The following SNX29 variants were observed in gnomAD, a reference collection of about 807,000 sequenced individuals.
SNX29 encodes the protein sorting nexin 29.
Under a neutral mutation model 102.1 loss-of-function variants are expected in SNX29, and 78 were observed. The observed-to-expected ratio is 0.76, with a 90% CI of 0.64 to 0.92. The LOEUF is 0.92. Ranked by LOEUF, SNX29 falls within the 40% of genes least tolerant of loss-of-function variation. The pLI is 0.00. For missense variants in SNX29, 1,280 were observed against 1,061.7 expected, an observed-to-expected ratio of 1.21 and a Z score of -2.86; for synonymous variants, 580 against 414.5, an observed-to-expected ratio of 1.40 and a Z score of -4.85.
At chr16:12,073,491 T>C in intron 10 of SNX29, among the ~76,000 whole-genome samples, 1 of 152,188 alleles carries the variant, frequency 6.6e-6, no homozygotes, top group Non-Finnish European at 1.5e-5. Flanking sequence ...TTTGAGTGAG[T>C]TTCTTAATCC....
chr16:12,013,500 A>AAAAAAAATATATAT lies in SNX29; in HGVS notation c.122+10458_122+10459insAAAAAATATATATA. ...GTCTCTACTGGGGGAAAAAAAAAAA[A>AAAAAAAATATATAT]ATATATATATATATATATATATATA... On this transcript the variant is annotated intron_variant, in intron 3 of 20. Transcript: ENST00000566228. 8.2e-4 allele frequency among the ~76,000 whole-genome samples: 26 copies of AAAAAAAATATATAT among 31,618 alleles called. 2 individuals carry two copies. The highest frequency in any genetic ancestry group is 3.8e-3 in the East Asian group (2 of 532). The allele number at this position is 31,618 out of a possible 152,430, so 20.7% of individuals were successfully genotyped here. A position where few individuals can be genotyped will look rare whatever the true frequency, so the allele number is the denominator to read the frequency against.
chr16:12,125,485 A>G (rs2054165158), intron 11 of SNX29, among the ~76,000 whole-genome samples: 1 of 151,692 alleles, frequency 6.6e-6, no homozygotes, highest in Non-Finnish European at 1.5e-5. Flanking sequence ...GAGGGTAGGG[A>G]AGGGTGAGGC....
At chr16:12,269,207 A>G (rs1567378625) in intron 14 of SNX29, among the ~76,000 whole-genome samples, 1 of 152,170 alleles carries the variant, frequency 6.6e-6, no homozygotes, top group African/African-American at 2.4e-5. Flanking sequence ...GAGACACAGG[A>G]GAAAGTTGCT....
chr16:12,181,988 A>T (rs1011935750), intron 13 of SNX29, among the ~76,000 whole-genome samples: 2 of 151,238 alleles, frequency 1.3e-5, no homozygotes, highest in Non-Finnish European at 2.9e-5. Flanking sequence ...GGTTCAAGCG[A>T]TTCTCCTGCC....
chr16:12,281,240 T>G (rs2079420289), intron 15 of SNX29, among the ~76,000 whole-genome samples: 1 of 152,190 alleles, frequency 6.6e-6, no homozygotes, highest in Admixed American at 6.5e-5. Context: ...ATAAGGATAT[T>G]TGGAACACCT....
chr16:12,526,288 C>G (rs1334002860), intron 20 of SNX29, among the ~76,000 whole-genome samples: 1 of 152,088 alleles, frequency 6.6e-6, no homozygotes, highest in African/African-American at 2.4e-5. Context: ...TGGGAGCCGG[C>G]TTCTGTGGGG....
At chr16:12,089,966 C>T (rs2151394301) in intron 11 of SNX29, 1 of 227,968 alleles carries the variant, frequency 4.4e-6, no homozygotes, top group South Asian at 4.1e-5. Flanking sequence ...AGTCCTGTCA[C>T]TGCCCTAAGC....
chr16:12,134,381 G>A (rs1597009766), intron 13 of SNX29, among the ~76,000 whole-genome samples: 1 of 152,194 alleles, frequency 6.6e-6, no homozygotes, highest in Non-Finnish European at 1.5e-5. Context: ...GGGCATCAGG[G>A]TCTCTCATGA....
chr16:12,302,237 C>T (rs2080195627), intron 15 of SNX29, among the ~76,000 whole-genome samples: 1 of 152,218 alleles, frequency 6.6e-6, no homozygotes, highest in South Asian at 2.1e-4. Context: ...AAGCAAATGG[C>T]TGTGGCCACG....
intron 16 of SNX29, among the ~76,000 whole-genome samples, chr16:12,387,112 G>C (rs1248419472): frequency 6.6e-6 from 1 of 150,880 alleles, no homozygotes; most frequent in Non-Finnish European, 1.5e-5. Context: ...GCGACAGAGT[G>C]AGACTCAGTC....
intron 4 of SNX29, among the ~76,000 whole-genome samples, chr16:12,030,626 C>T (rs2057313028): frequency 6.6e-6 from 1 of 152,196 alleles, no homozygotes; most frequent in African/African-American, 2.4e-5. Flanking sequence ...TCTTGATCAG[C>T]TCTGACCCAC....
chr16:12,104,455 C>G (rs946544516), intron 11 of SNX29, among the ~76,000 whole-genome samples: 7 of 152,088 alleles, frequency 4.6e-5, no homozygotes, highest in African/African-American at 1.7e-4. Context: ...ATACAGGAGG[C>G]TGAGGCAGGA....
rs2076848714 is a variant in SNX29 at position 12,528,565 on chromosome 16, T to A, written c.2318+3724T>A. Among the ~76,000 whole-genome samples, 7 of 152,294 alleles carry A rather than the reference T, an allele frequency of 4.6e-5. No individual in the cohort carries two copies. The South Asian group carries it at 1.5e-3, about 32-fold the overall frequency. On this transcript the variant is annotated intron_variant, in intron 20 of 20. Transcript: ENST00000566228. ...ATTCCCCCACTCTCCCACACTTGGA[T>A]GCCCCGTGTCCACTGAACCCCCATC... is the stretch of plus-strand genomic sequence containing the variant.
At chr16:11,987,595 C>A (rs1303669642) in intron 1 of SNX29, among the ~76,000 whole-genome samples, 37 of 152,064 alleles carry the variant, frequency 2.4e-4, no homozygotes, top group Admixed American at 2.4e-3. Flanking sequence ...CGGGGTTTCA[C>A]CATGTTGGCC....
intron 11 of SNX29, among the ~76,000 whole-genome samples, chr16:12,086,009 C>CTTTTT (rs34239419): frequency 3.4e-5 from 4 of 117,356 alleles, no homozygotes; most frequent in East Asian, 2.5e-4. Flanking sequence ...CTTGCCAATT[C>CTTTTT]TTTTTTTTTT....
chr16:12,181,883 CTTTTTTT>C (rs397854786), intron 13 of SNX29, among the ~76,000 whole-genome samples: 29 of 141,294 alleles, frequency 2.1e-4, no homozygotes, highest in African/African-American at 7.5e-4. Context: ...GGGCTTCTGC[CTTTTTTT>C]TTTTTTTTCT....
rs545024672 is a variant in SNX29 at position 12,003,213 on chromosome 16, G to A, written c.122+170G>A. 3.3e-5 allele frequency among the ~76,000 whole-genome samples: 5 copies of A among 152,220 alleles called. No individual in the cohort carries two copies. In the East Asian group the frequency reaches 5.8e-4, roughly 18 times the overall value. The stretch of plus-strand genomic sequence containing the variant: ...TGCAGCGCTGAAATTTGACTCAACC[G>A]TGGACTCTGTGCGGTGACTGCTCAT... On this transcript the variant is annotated intron_variant, in intron 3 of 20. Coordinates refer to ENST00000566228, the MANE Select transcript of SNX29 (RefSeq NM_032167.5).
intron 15 of SNX29, among the ~76,000 whole-genome samples, chr16:12,330,255 T>G (rs943953811): frequency 5.9e-5 from 9 of 152,128 alleles, no homozygotes; most frequent in Non-Finnish European, 8.8e-5. Context: ...TGTGCCTGTT[T>G]CCTCACCTGG....
chr16:12,181,455 T>C (rs1207567418), intron 13 of SNX29, among the ~76,000 whole-genome samples: 1 of 152,194 alleles, frequency 6.6e-6, no homozygotes, highest in Non-Finnish European at 1.5e-5. Flanking sequence ...AGTTTCTGAT[T>C]AGCCTCTCCA....
Sources: allele counts gnomAD v4.1 joint callset (sites outside exome capture counted in the v4.1 genomes callset), GRCh38; gene constraint gnomAD v4.1.1; transcripts MANE v1.5; gene names NCBI Gene and HGNC (gene_info 2026-07-23, HGNC 2026-07-21).